Variants in STAMBP observed in about 807,000 individuals in gnomAD.
The protein encoded by STAMBP is STAM binding protein, also known as STAM-binding protein.
A neutral mutation model predicts 50.7 loss-of-function variants in STAMBP; 31 were observed. The ratio of observed to expected loss-of-function variants is 0.61; its 90% confidence interval spans 0.46 to 0.83. The LOEUF is 0.83. STAMBP is among the 40% of genes least tolerant of loss of function. The probability of loss-of-function intolerance (pLI) is 0.00; values close to 1 mark genes in which losing one functional copy is unlikely to be tolerated. For synonymous variants in STAMBP, 211 were observed against 192.4 expected, an observed-to-expected ratio of 1.10 and a Z score of -0.80; for missense variants, 472 against 518.9, an observed-to-expected ratio of 0.91 and a Z score of 0.88.
At chr2:73,846,372 TGGGTGA>T (rs578115962) in intron 4 of STAMBP, among the ~76,000 whole-genome samples, 2 of 152,116 alleles carry the variant, frequency 1.3e-5, no homozygotes, top group East Asian at 3.9e-4. Flanking sequence ...GAGCCTGAAG[TGGGTGA>T]TCGCTTGAGC....
At chr2:73,841,475 G>A (rs759887539) in intron 2 of STAMBP, among the ~76,000 whole-genome samples, 1 of 152,116 alleles carries the variant, frequency 6.6e-6, no homozygotes, top group Non-Finnish European at 1.5e-5. Flanking sequence ...AGCCTGTCAG[G>A]GAGTACTAGT....
intron 5 of STAMBP, 23 bp from the exon 6 acceptor site, chr2:73,849,340 C>T (rs1401821732): frequency 6.2e-7 from 1 of 1,613,118 alleles, no homozygotes; most frequent in Admixed American, 1.7e-5. Flanking sequence ...TGGTCGCAGA[C>T]TATTCTCCTT....
Position 73,830,804 on chromosome 2 carries a change from G to T in STAMBP, c.-12-41G>T, listed in dbSNP as rs753554812. The T allele has an allele frequency of 1.2e-5, 18 of 1,514,200 alleles. No homozygotes were observed. The Admixed American group carries it at 3.1e-4, about 26-fold the overall frequency. The allele number at this position is 1,514,200 out of a possible 1,614,324, so 93.8% of individuals were successfully genotyped here. A position where few individuals can be genotyped will look rare whatever the true frequency, so the allele number is the denominator to read the frequency against. The stretch of plus-strand genomic sequence containing the variant: ...TAAACTGTAAAACTGCTGGGATGAT[G>T]AGGGCAACGGTATTGATGCCATCTG... On this transcript the variant is annotated intron_variant, in intron 1 of 9. Transcript: ENST00000394070.
At chr2:73,870,746 A>C (rs74915354), downstream of STAMBP, among the ~76,000 whole-genome samples, 2,361 of 152,244 alleles carry the variant, frequency 0.016, 67 homozygotes, top group African/African-American at 0.054. Context: ...GCCTTCAAAA[A>C]AGTGAATGGC....
chr2:73,829,892 G>C (rs1267487132), intron 1 of STAMBP, among the ~76,000 whole-genome samples: 2 of 152,212 alleles, frequency 1.3e-5, no homozygotes, highest in African/African-American at 4.8e-5. Context: ...ATCTCTGTTG[G>C]GGAGGGCCAG....
At chr2:73,854,276 C>T (rs947307007) in intron 7 of STAMBP, among the ~76,000 whole-genome samples, 2 of 152,126 alleles carry the variant, frequency 1.3e-5, no homozygotes, top group African/African-American at 4.8e-5. Flanking sequence ...AGGTTGGAGT[C>T]TAGGTCTGCT....
Position 73,850,723 on chromosome 2 carries a change from T to G in STAMBP, c.1005+210T>G, listed in dbSNP as rs1219962865. Among the ~76,000 whole-genome samples the G allele has an allele frequency of 6.6e-6, 1 of 152,244 alleles. No individual in the cohort carries two copies. Among genetic ancestry groups the G allele is most frequent in the East Asian group, 1.9e-4 (1 of 5,204 alleles). Reference sequence around the variant, plus strand: ...CTTTTAAATTTTTTTAACTTTTTATTTATTTTTTAGTAAAAATAAACTGTT... The same window carrying G: ...CTTTTAAATTTTTTTAACTTTTTATGTATTTTTTAGTAAAAATAAACTGTT... On this transcript the variant is annotated intron_variant, in intron 7 of 9. Transcript: ENST00000394070. The surrounding 1 kb of genome is among the most constrained non-coding windows in gnomAD (Gnocchi z 4.3).
rs1678681672 is a variant in STAMBP at position 73,864,480 on chromosome 2, TGGAGGAG to T, written c.*2222_*2228del. On this transcript the variant is annotated 3_prime_UTR_variant, in exon 10 of 10. Coordinates refer to ENST00000394070, the MANE Select transcript of STAMBP (RefSeq NM_213622.4). ...TGTCTCTGTCTTCATCTTACCTCTG[TGGAGGAG>T]ACGTGGAATCAAGCCAGCCCACAAG... is the stretch of plus-strand genomic sequence containing the variant. 1 of 152,210 alleles carries T rather than the reference TGGAGGAG, an allele frequency of 6.6e-6. No individual in the cohort carries two copies. Among genetic ancestry groups the T allele is most frequent in the Non-Finnish European group, 1.5e-5 (1 of 68,142 alleles). The allele number at this position is 152,210 out of a possible 1,614,324, so 9.4% of individuals were successfully genotyped here. A position where few individuals can be genotyped will look rare whatever the true frequency, so the allele number is the denominator to read the frequency against.
intron 9 of STAMBP, among the ~76,000 whole-genome samples, chr2:73,860,769 C>T (rs1485252111): frequency 6.6e-6 from 1 of 151,994 alleles, no homozygotes; most frequent in Non-Finnish European, 1.5e-5. Context: ...TCCATGCTGG[C>T]CATGGAGTAT....
At chr2:73,834,318 T>C (rs1674459819) in intron 2 of STAMBP, among the ~76,000 whole-genome samples, 1 of 130,210 alleles carries the variant, frequency 7.7e-6, no homozygotes, top group South Asian at 2.7e-4. Flanking sequence ...ACTTAACTAC[T>C]AATAGCTTAC....
Position 73,847,617 on chromosome 2 carries a change from G to T in STAMBP, c.606G>T (p.Lys202Asn). 6.2e-7 allele frequency: 1 copy of T among 1,614,218 alleles called. No individual in the cohort carries two copies. Among genetic ancestry groups the T allele is most frequent in the Non-Finnish European group, 8.5e-7 (1 of 1,180,032 alleles). ...LGGPLVPDLE[K>N]PSLDVFPTLT... ...GCCCGCTAGTGCCTGACTTGGAGAA[G>T]CCCTCCTTAGATGTGTTCCCCACCT... Residue 202 changes from lysine (K) to asparagine (N), a missense_variant, in exon 5 of 10, where the codon AAG (lysine) becomes AAT (asparagine). Coordinates refer to ENST00000394070, the MANE Select transcript of STAMBP (RefSeq NM_213622.4).
chr2:73,840,272 A>G (rs915831546), intron 2 of STAMBP, among the ~76,000 whole-genome samples: 1 of 135,764 alleles, frequency 7.4e-6, no homozygotes, highest in Non-Finnish European at 1.6e-5. Flanking sequence ...AATGCACATT[A>G]TTTTTTAAAC....
chr2:73,850,500 T>A lies in STAMBP; in HGVS notation c.992T>A (p.Leu331Gln). 6.2e-7 allele frequency: 1 copy of A among 1,613,360 alleles called. No homozygotes were observed. The highest frequency in any genetic ancestry group is 8.5e-7 in the Non-Finnish European group (1 of 1,179,686). The part of the protein sequence containing the change: ...LIQDQQGLIT[L>Q]GWIHTHPTQT... ...CAGGATCAGCAGGGCCTCATCACAC[T>A]GGGCTGGATTCATGTAAGCAATTCT... The change falls in exon 7 of 10, where the codon CTG becomes CAG. Residue 331 changes from leucine (L) to glutamine (Q), a missense_variant. By Grantham distance (113) the Leu-to-Gln change is moderately radical (BLOSUM62 -2). Transcript: ENST00000394070. This position sits in a 1 kb window ranked among gnomAD's most constrained non-coding sequence, Gnocchi z 4.3.
chr2:73,869,179 G>A (rs1679096969), downstream of STAMBP, among the ~76,000 whole-genome samples: 1 of 152,138 alleles, frequency 6.6e-6, no homozygotes, highest in African/African-American at 2.4e-5. Flanking sequence ...AAGGCACAAC[G>A]ATGTTCACTA....
intron 7 of STAMBP, among the ~76,000 whole-genome samples, chr2:73,852,917 GGT>G (rs56684009): frequency 0.012 from 1,510 of 122,556 alleles, 11 homozygotes; most frequent in Middle Eastern, 0.026. Context: ...ATGTTGGCCA[GGT>G]GTGTGTGTGT....
In STAMBP at chr2:73,849,508, A is replaced by G. The variant is rs986080141; in HGVS notation, c.867+21A>G. The G allele has an allele frequency of 1.3e-5, 21 of 1,572,152 alleles. No individual in the cohort carries two copies. The African/African-American group carries it at 2.2e-4, about 17-fold the overall frequency. ...AACTGGTAAAAAGAAAAAAAAAACC[A>G]AACTCTTCTCTGAACCGAAACTGTT... On this transcript the variant is annotated intron_variant, in intron 6 of 9. Transcript: ENST00000394070.
intron 7 of STAMBP, among the ~76,000 whole-genome samples, chr2:73,857,213 C>A (rs1364235049): frequency 6.6e-6 from 1 of 152,160 alleles, no homozygotes; most frequent in Non-Finnish European, 1.5e-5. Flanking sequence ...CCTCTCCATA[C>A]CCTACCTGTT....
intron 7 of STAMBP, among the ~76,000 whole-genome samples, chr2:73,851,743 G>T (rs552662673): frequency 6.6e-6 from 1 of 151,466 alleles, no homozygotes; most frequent in Non-Finnish European, 1.5e-5. Flanking sequence ...GGATTCAAGC[G>T]ATTCTCCTAC....
rs140651555 is a variant in STAMBP, at chr2:73,847,510, G to A, written c.499G>A (p.Glu167Lys). ...LEQEQFHAFE[E>K]MIRNQELEKE... ...ACAGGAACAGTTCCATGCCTTCGAG[G>A]AGATGATCCGGAACCAGGAGCTAGA... is the stretch of plus-strand genomic sequence containing the variant. Residue 167 changes from glutamate to lysine, a missense_variant, in exon 5 of 10, where the codon GAG (glutamate) becomes AAG (lysine). Transcript: ENST00000394070. 2.5e-4 allele frequency: 405 copies of A among 1,614,182 alleles called. 1 individual carries two copies. The African/African-American group carries it at 4.5e-3, about 18-fold the overall frequency.
Sources: allele counts gnomAD v4.1 joint callset (sites outside exome capture counted in the v4.1 genomes callset), GRCh38; gene constraint gnomAD v4.1.1; non-coding constraint Gnocchi (gnomAD v3.1); transcripts MANE v1.5; gene names NCBI Gene and HGNC (gene_info 2026-07-23, HGNC 2026-07-21).